DGKK: variants seen among roughly 807,000 people sequenced by gnomAD.
DGKK encodes the protein diacylglycerol kinase kappa.
In DGKK, 35 loss-of-function variants were observed where a neutral mutation model predicts 92.2. That is an observed-to-expected ratio of 0.38 (90% CI 0.29 to 0.50). The LOEUF (loss-of-function observed/expected upper bound fraction) is 0.50. Among genes scored for constraint, DGKK ranks in the 20% least tolerant of loss-of-function variants. The pLI is 0.92. For synonymous variants in DGKK, 368 were observed against 360.6 expected (o/e 1.02, Z -0.23); for missense variants, 910 against 992.2 (o/e 0.92, Z 1.11).
rs200285927 is a variant in DGKK at position 50,368,938 on chromosome X, G to C, written c.*2C>G. 4.1e-4 allele frequency: 492 copies of C among 1,201,098 alleles called. 1 individual carries two copies. The highest frequency in any genetic ancestry group is 7.0e-5 in the Non-Finnish European group (62 of 890,278). On this transcript the variant is annotated 3_prime_UTR_variant, in exon 28 of 28. Coordinates refer to ENST00000611977, the MANE Select transcript of DGKK (RefSeq NM_001013742.4). ...GTTGTGAGTTCTTCCAGCTTTCAAGGGCTACAGTTGAGATCTCGATGGTGT... is the reference window on the plus strand; with the variant it reads ...GTTGTGAGTTCTTCCAGCTTTCAAGCGCTACAGTTGAGATCTCGATGGTGT...
At chrX:50,415,339 T>C (rs1925406519) in intron 4 of DGKK, among the ~76,000 whole-genome samples, 1 of 111,523 alleles carries the variant, frequency 9.0e-6, no homozygotes, top group Non-Finnish European at 1.9e-5. Flanking sequence ...AAAATGGACG[T>C]TTTGTAGACA....
At chrX:50,382,166 C>A (rs2147120641) in intron 18 of DGKK, among the ~76,000 whole-genome samples, 1 of 112,483 alleles carries the variant, frequency 8.9e-6, no homozygotes, top group South Asian at 3.7e-4. Context: ...ACTACTGAAA[C>A]CTGGTTAAAC....
intron 1 of DGKK, among the ~76,000 whole-genome samples, chrX:50,427,392 T>C (rs1432129478): frequency 9.0e-6 from 1 of 110,511 alleles, no homozygotes; most frequent in Non-Finnish European, 1.9e-5. Context: ...AGGAGATTTT[T>C]AGGGCAGTGA....
At chrX:50,448,188 C>T (rs1317321306) in intron 1 of DGKK, among the ~76,000 whole-genome samples, 1 of 107,610 alleles carries the variant, frequency 9.3e-6, no homozygotes, top group Admixed American at 9.9e-5. Flanking sequence ...GCTCCTTTCT[C>T]TTTTTTTTTT....
At chrX:50,424,934 A>G (rs986761474) in intron 1 of DGKK, among the ~76,000 whole-genome samples, 3 of 112,023 alleles carry the variant, frequency 2.7e-5, no homozygotes, top group Non-Finnish European at 5.6e-5. Flanking sequence ...GAACCACAAG[A>G]AAACTACCTT....
intron 27 of DGKK, among the ~76,000 whole-genome samples, chrX:50,369,676 C>G (rs1379348950): frequency 9.1e-6 from 1 of 110,392 alleles, no homozygotes; most frequent in Non-Finnish European, 1.9e-5. Flanking sequence ...ATCCTCCCAC[C>G]TCAGCCTCCC....
At chrX:50,382,414 C>G in intron 18 of DGKK, 82 bp downstream of exon 18, 2 of 690,225 alleles carry the variant, frequency 2.9e-6, no homozygotes, top group Non-Finnish European at 2.1e-6. Flanking sequence ...TGTTGCTTGT[C>G]TGAGAGGTAG....
chrX:50,370,171 C>A (rs943598838), intron 27 of DGKK, among the ~76,000 whole-genome samples: 3 of 112,048 alleles, frequency 2.7e-5, no homozygotes. Context: ...AGAAAAATCA[C>A]CGCCTGTTTG....
intron 23 of DGKK, 43 bp from the exon 24 acceptor site, chrX:50,376,208 A>G (rs782445375): frequency 9.2e-6 from 11 of 1,193,676 alleles, no homozygotes; most frequent in Non-Finnish European, 1.2e-5. Context: ...GGATTTCTGA[A>G]GGACTTCTGG....
chrX:50,372,183 G>C (rs1924152496), intron 25 of DGKK, among the ~76,000 whole-genome samples: 1 of 112,221 alleles, frequency 8.9e-6, no homozygotes, highest in Non-Finnish European at 1.9e-5. Context: ...CTAAGTAAAA[G>C]CTACCTAGCT....
chrX:50,425,622 G>T (rs1925718837), intron 1 of DGKK, among the ~76,000 whole-genome samples: 1 of 111,151 alleles, frequency 9.0e-6, no homozygotes, highest in Non-Finnish European at 1.9e-5. Context: ...AGTACTAGTA[G>T]ACAGAGCCTC....
At chrX:50,413,967 T>C (rs1925365357) in intron 4 of DGKK, among the ~76,000 whole-genome samples, 1 of 111,986 alleles carries the variant, frequency 8.9e-6, no homozygotes, top group African/African-American at 3.2e-5. Flanking sequence ...TAAGTGTCCA[T>C]CAACAAATGA....
chrX:50,457,557 G>T (rs1436187903), intron 1 of DGKK, among the ~76,000 whole-genome samples: 4 of 111,598 alleles, frequency 3.6e-5, no homozygotes, highest in African/African-American at 1.3e-4. Context: ...AAGATACTTC[G>T]TATCTTTTCT....
chrX:50,390,839 G>A (rs1347283388), intron 11 of DGKK, among the ~76,000 whole-genome samples: 2 of 112,019 alleles, frequency 1.8e-5, no homozygotes, highest in Non-Finnish European at 3.8e-5. Flanking sequence ...CACCAGCATA[G>A]AAAGTCTTTT....
rs1925071145 is a variant in DGKK, at chrX:50,403,689, CAG to C, written c.1079-94_1079-93del. ...CAAAGCTGCTCTGAAAGTTAGAACA[CAG>C]ATGCATTCTAAATAGTTCTAATGCA... On this transcript the variant is annotated intron_variant, in intron 5 of 27. Coordinates refer to ENST00000611977, the MANE Select transcript of DGKK (RefSeq NM_001013742.4). 8.1e-6 allele frequency: 6 copies of C among 740,289 alleles called. No homozygotes were observed. The South Asian group carries it at 1.4e-4, about 17-fold the overall frequency. 61.0% of individuals were successfully genotyped at this position (740,289 alleles called of 1,213,427 possible).
chrX:50,379,684 G>A lies in DGKK; in HGVS notation c.2805C>T (p.Leu935=). ...SLPNLQGIVV[L]NITSYAGGIN... The stretch of plus-strand genomic sequence containing the variant: ...TACCTCCAGCATAGCTGGTAATGTT[G>A]AGCACTACAATGCCTTGCAGGTTTG... The change falls in exon 20 of 28, where the codon CTC becomes CTT. Residue 935 remains leucine (L), a synonymous_variant. Transcript: ENST00000611977. The A allele has an allele frequency of 1.7e-6, 2 of 1,211,365 alleles. No homozygotes were observed. Among genetic ancestry groups the A allele is most frequent in the Non-Finnish European group, 2.2e-6 (2 of 895,301 alleles).
intron 13 of DGKK, among the ~76,000 whole-genome samples, chrX:50,388,149 G>A (rs1237885996): frequency 8.9e-6 from 1 of 112,187 alleles, no homozygotes; most frequent in Non-Finnish European, 1.9e-5. Flanking sequence ...GGGGGAATGT[G>A]TTCCTCAGGT....
chrX:50,397,595 G>A (rs782797684), intron 8 of DGKK, among the ~76,000 whole-genome samples: 6 of 112,005 alleles, frequency 5.4e-5, no homozygotes, highest in African/African-American at 1.6e-4. Context: ...ATGCTCTGGG[G>A]GTAGTGCCCA....
rs941591843 is a variant in DGKK, at chrX:50,365,881, C to G, written c.*3059G>C. On this transcript the variant is annotated 3_prime_UTR_variant, in exon 28 of 28. Coordinates refer to ENST00000611977, the MANE Select transcript of DGKK (RefSeq NM_001013742.4). ...ATCTCTTTCTTATTCTTAACCTGCT[C>G]TTATGGACACAGCACAGGGCCTTTC... 8.9e-6 allele frequency: 1 copy of G among 111,811 alleles called. No homozygotes were observed. Among genetic ancestry groups the G allele is most frequent in the Admixed American group, 9.5e-5 (1 of 10,564 alleles). The allele number at this position is 111,811 out of a possible 1,213,427, so 9.2% of individuals were successfully genotyped here. A position where few individuals can be genotyped will look rare whatever the true frequency, so the allele number is the denominator to read the frequency against.
Sources: allele counts gnomAD v4.1 joint callset (sites outside exome capture counted in the v4.1 genomes callset), GRCh38; gene constraint gnomAD v4.1.1; transcripts MANE v1.5; gene names NCBI Gene and HGNC (gene_info 2026-07-23, HGNC 2026-07-21).